Variants in CNKSR2 observed in about 807,000 individuals in gnomAD.
The protein encoded by CNKSR2 is connector enhancer of kinase suppressor of Ras 2.
CNKSR2 carries 14 observed loss-of-function variants against 84.4 expected under a neutral mutation model. That is an observed-to-expected ratio of 0.17 (90% CI 0.11 to 0.26). The LOEUF (loss-of-function observed/expected upper bound fraction) is 0.26. Among genes scored for constraint, CNKSR2 ranks in the 10% least tolerant of loss-of-function variants. CNKSR2 has a pLI of 1.00. For synonymous variants in CNKSR2, 275 were observed against 277.9 expected, an observed-to-expected ratio of 0.99 and a Z score of 0.10; for missense variants, 485 against 771.2, an observed-to-expected ratio of 0.63 and a Z score of 4.40.
intron 8 of CNKSR2, chrX:21,505,790 G>A (rs975771224): frequency 1.8e-5 from 2 of 111,011 alleles, no homozygotes; most frequent in African/African-American, 6.5e-5. Flanking sequence ...CTCCTTCCCT[G>A]GACTTCAGCA....
intron 9 of CNKSR2, among the ~76,000 whole-genome samples, chrX:21,516,934 G>A (rs753810495): frequency 1.8e-4 from 20 of 111,316 alleles, no homozygotes; most frequent in South Asian, 3.8e-4. Context: ...AAGATGGTTC[G>A]TTTTTATGAT....
chrX:21,505,120 C>A, intron 8 of CNKSR2: 1 of 178,909 alleles, frequency 5.6e-6, no homozygotes, highest in Non-Finnish European at 1.0e-5. Context: ...ATAATCTGTT[C>A]AATTTCATGT....
At chrX:21,438,851 G>A (rs1192376458) in intron 3 of CNKSR2, among the ~76,000 whole-genome samples, 4 of 110,904 alleles carry the variant, frequency 3.6e-5, no homozygotes, top group Non-Finnish European at 5.7e-5. Flanking sequence ...CCACCAAAAC[G>A]TAACAGATGA....
chrX:21,378,316 C>T (rs918520340), intron 1 of CNKSR2, among the ~76,000 whole-genome samples: 3 of 111,378 alleles, frequency 2.7e-5, no homozygotes, highest in African/African-American at 9.8e-5. Flanking sequence ...AAATTGCATC[C>T]AATCCTCTTG....
chrX:21,418,735 G>T (rs1349526585), intron 1 of CNKSR2, among the ~76,000 whole-genome samples: 2 of 111,028 alleles, frequency 1.8e-5, no homozygotes, highest in Non-Finnish European at 3.8e-5. Flanking sequence ...TTGACTTTTG[G>T]ACTTGAGGTA....
chrX:21,486,730 T>C (rs2091389078), intron 5 of CNKSR2, among the ~76,000 whole-genome samples: 2 of 112,188 alleles, frequency 1.8e-5, no homozygotes, highest in South Asian at 7.3e-4. Flanking sequence ...TTTCTTTTTC[T>C]AGAATATGCT....
chrX:21,408,128 C>A (rs1040894037), intron 1 of CNKSR2, among the ~76,000 whole-genome samples: 1 of 111,789 alleles, frequency 8.9e-6, no homozygotes, highest in African/African-American at 3.2e-5. Context: ...TTCCCATATA[C>A]ATTAATTTAG....
At chrX:21,591,465 C>A in intron 15 of CNKSR2, 1 of 175,134 alleles carries the variant, frequency 5.7e-6, no homozygotes, top group Non-Finnish European at 1.1e-5. Flanking sequence ...GAAGCTAATC[C>A]AAGCAGTAGC....
intron 5 of CNKSR2, among the ~76,000 whole-genome samples, chrX:21,480,133 C>T (rs189862900): frequency 9.0e-6 from 1 of 111,524 alleles, no homozygotes; most frequent in Non-Finnish European, 1.9e-5. Flanking sequence ...TGCTTAGAGT[C>T]CAATCCATTG....
At chrX:21,640,960 T>G (rs1280903804) in intron 20 of CNKSR2, among the ~76,000 whole-genome samples, 2 of 111,858 alleles carry the variant, frequency 1.8e-5, no homozygotes, top group African/African-American at 6.5e-5. Flanking sequence ...GCATTTTGTG[T>G]TGTTAAGCAT....
intron 20 of CNKSR2, among the ~76,000 whole-genome samples, chrX:21,636,320 G>T (rs2092672257): frequency 9.1e-6 from 1 of 109,846 alleles, no homozygotes; most frequent in African/African-American, 3.3e-5. Context: ...CATCTCTAAA[G>T]TATTTGGGAG....
chrX:21,533,312 C>G (rs2091901084), intron 11 of CNKSR2, among the ~76,000 whole-genome samples: 1 of 109,814 alleles, frequency 9.1e-6, no homozygotes, highest in Admixed American at 9.7e-5. Context: ...CCTACCCTTG[C>G]CCCATGAAAT....
chrX:21,421,456 AG>A (rs2147041331), intron 1 of CNKSR2, among the ~76,000 whole-genome samples: 1 of 109,192 alleles, frequency 9.2e-6, no homozygotes, highest in South Asian at 4.0e-4. Flanking sequence ...CAATTGGTGG[AG>A]CCTTCTGTTC....
chrX:21,591,261 CTT>C, intron 15 of CNKSR2, 67 bp downstream of exon 15: 2 of 947,877 alleles, frequency 2.1e-6, no homozygotes, highest in African/African-American at 2.0e-5. Context: ...CATTTTGAGA[CTT>C]ATATTTTAAA....
In CNKSR2 at chrX:21,470,777, A is replaced by G. The variant is rs1341329251; in HGVS notation, c.531A>G (p.Val177=). ...LTTIVQQDCT[V]YETENKILHV... ...TTCTTTTTTTTCAGGATTGTACTGT[A>G]TATGAAACAGAGAATAAAATTCTTC... The change falls in exon 5 of 22, where the codon GTA becomes GTG. Residue 177 remains valine (V), a synonymous_variant. Transcript: ENST00000379510. The G allele has an allele frequency of 2.0e-6, 2 of 1,010,300 alleles. No individual in the cohort carries two copies. The highest frequency in any genetic ancestry group is 2.3e-5 in the South Asian group (1 of 43,237). 83.3% of individuals were successfully genotyped at this position (1,010,300 alleles called of 1,213,427 possible). A position where few individuals can be genotyped will look rare whatever the true frequency, so the allele number is the denominator to read the frequency against.
intron 1 of CNKSR2, among the ~76,000 whole-genome samples, chrX:21,394,287 T>C (rs746522264): frequency 9.0e-6 from 1 of 111,716 alleles, no homozygotes; most frequent in East Asian, 2.8e-4. Context: ...TTACTAGATA[T>C]AGCTCACATG....
chrX:21,474,557 C>G (rs748679743), intron 5 of CNKSR2, among the ~76,000 whole-genome samples: 1 of 111,812 alleles, frequency 8.9e-6, no homozygotes, highest in African/African-American at 3.3e-5. Context: ...GGGGTGTTAA[C>G]TCTCTCACAC....
chrX:21,516,253 G>A (rs1320797568), intron 8 of CNKSR2, among the ~76,000 whole-genome samples: 1 of 111,356 alleles, frequency 9.0e-6, no homozygotes, highest in Non-Finnish European at 1.9e-5. Flanking sequence ...TTTAGTCTTT[G>A]ATTTGACATG....
At position 21,601,362 on chromosome X, in the gene CNKSR2, T is replaced by G; in HGVS notation, c.2044+13T>G. 9.7e-7 allele frequency: 1 copy of G among 1,030,235 alleles called. No homozygotes were observed. Among genetic ancestry groups the G allele is most frequent in the Non-Finnish European group, 1.3e-6 (1 of 744,149 alleles). 84.9% of individuals were successfully genotyped at this position (1,030,235 alleles called of 1,213,427 possible). On this transcript the variant is annotated intron_variant, in intron 18 of 21. Coordinates refer to ENST00000379510, the MANE Select transcript of CNKSR2 (RefSeq NM_014927.5). ...AAGCAGGAACAAGGTAAAGGAATAC[T>G]TTTTTAAAATAATTATGTTATACTT...
Sources: gnomAD v4.1 joint callset for allele counts (sites outside exome capture counted in the v4.1 genomes callset) on GRCh38, gnomAD v4.1.1 for gene constraint, MANE v1.5 for transcripts, NCBI Gene and HGNC (gene_info 2026-07-23, HGNC 2026-07-21) for gene names.